Variants in KIF3B observed in about 807,000 individuals in gnomAD.
KIF3B encodes the protein kinesin family member 3B.
In KIF3B, 38 loss-of-function variants were observed where a neutral mutation model predicts 74.3. The ratio of observed to expected loss-of-function variants is 0.51; its 90% confidence interval spans 0.39 to 0.67. KIF3B has a LOEUF of 0.67. Among genes scored for constraint, KIF3B ranks in the 30% least tolerant of loss-of-function variants. KIF3B has a pLI of 0.00. For synonymous variants in KIF3B, 326 were observed against 342.5 expected, an observed-to-expected ratio of 0.95 and a Z score of 0.53; for missense variants, 649 against 932.0, an observed-to-expected ratio of 0.70 and a Z score of 3.95.
At position 32,327,567 on chromosome 20, in the gene KIF3B, T is replaced by C; in HGVS notation, c.1874T>C (p.Met625Thr). 6.2e-7 allele frequency: 1 copy of C among 1,613,232 alleles called. No homozygotes were observed. Among genetic ancestry groups the C allele is most frequent in the East Asian group, 2.2e-5 (1 of 44,848 alleles). ...HPITRLENQQ[M>T]MKRPVSAVGY... is the part of the protein sequence containing the mutation. The stretch of plus-strand genomic sequence containing the variant: ...CAGTTCATTTCCAGGAACCAGCAGA[T>C]GATGAAGCGGCCAGTCTCAGCCGTG... Residue 625 changes from methionine (M) to threonine (T), a missense_variant, in exon 7 of 9, where the codon ATG becomes ACG. Met to Thr is a moderately conservative substitution (Grantham distance 81). Transcript: ENST00000375712.
chr20:32,324,132 A>G (rs2047891421), intron 5 of KIF3B, among the ~76,000 whole-genome samples: 1 of 152,052 alleles, frequency 6.6e-6, no homozygotes, highest in African/African-American at 2.4e-5. Flanking sequence ...AAAAGAAGAA[A>G]TATACTACAT....
chr20:32,299,726 A>G (rs1195208837), intron 1 of KIF3B, among the ~76,000 whole-genome samples: 2 of 151,676 alleles, frequency 1.3e-5, no homozygotes, highest in East Asian at 3.9e-4. Flanking sequence ...TGTCTATAAT[A>G]TGAATATATC....
At chr20:32,282,970 A>G (rs960551086) in intron 1 of KIF3B, among the ~76,000 whole-genome samples, 1 of 152,220 alleles carries the variant, frequency 6.6e-6, no homozygotes, top group Non-Finnish European at 1.5e-5. Flanking sequence ...AGGGTTGTAC[A>G]TTCAACATTG....
Position 32,319,277 on chromosome 20 carries a change from G to A in KIF3B, c.1748+2403G>A, listed in dbSNP as rs182621152. Among the ~76,000 whole-genome samples the A allele has an allele frequency of 1.6e-4, 24 of 151,708 alleles. No individual in the cohort carries two copies. The East Asian group carries it at 4.5e-3, about 28-fold the overall frequency. ...TGCCCGGCCTCTCCACATCCTTGTC[G>A]ACACTTGTTATTTCCTGTCTCTTTT... On this transcript the variant is annotated intron_variant, in intron 5 of 8. Transcript: ENST00000375712.
At chr20:32,299,866 G>A (rs994255446) in intron 1 of KIF3B, among the ~76,000 whole-genome samples, 1 of 151,954 alleles carries the variant, frequency 6.6e-6, no homozygotes, top group African/African-American at 2.4e-5. Flanking sequence ...CTGACTTGCT[G>A]CAGTCTTAAC....
chr20:32,315,719 A>T (rs1487068216), intron 2 of KIF3B, among the ~76,000 whole-genome samples: 2 of 152,100 alleles, frequency 1.3e-5, no homozygotes, highest in African/African-American at 4.8e-5. Flanking sequence ...TCTTTAAAAA[A>T]TTTTAAAAAA....
At chr20:32,313,809 G>A (rs1345935826) in intron 2 of KIF3B, among the ~76,000 whole-genome samples, 1 of 152,126 alleles carries the variant, frequency 6.6e-6, no homozygotes, top group Non-Finnish European at 1.5e-5. Context: ...CCAGGCTCAA[G>A]CAATCTTCCC....
At chr20:32,279,310 C>G (rs1188798880) in intron 1 of KIF3B, among the ~76,000 whole-genome samples, 2 of 152,086 alleles carry the variant, frequency 1.3e-5, no homozygotes, top group African/African-American at 4.8e-5. Context: ...TCACTGTTGC[C>G]TCTGATTTTG....
intron 1 of KIF3B, among the ~76,000 whole-genome samples, chr20:32,302,575 G>A (rs978658428): frequency 6.6e-6 from 1 of 152,102 alleles, no homozygotes; most frequent in Non-Finnish European, 1.5e-5. Context: ...GGACAGCTCC[G>A]CCTTCTCAGA....
chr20:32,322,568 A>G (rs182010097), intron 5 of KIF3B, among the ~76,000 whole-genome samples: 1,624 of 141,022 alleles, frequency 0.012, 36 homozygotes, highest in African/African-American at 0.041. Context: ...AGATTGCGCC[A>G]TTGCACTCCA....
chr20:32,281,704 G>T (rs1282010447), intron 1 of KIF3B, among the ~76,000 whole-genome samples: 1 of 152,060 alleles, frequency 6.6e-6, no homozygotes, highest in Non-Finnish European at 1.5e-5. Context: ...GCAACAGAGC[G>T]AGACTCCATC....
In KIF3B at chr20:32,334,165, A is replaced by G. The variant is rs1357952830; in HGVS notation, c.*2846A>G. 2 of 152,666 alleles carry G rather than the reference A, an allele frequency of 1.3e-5. No individual in the cohort carries two copies. Among genetic ancestry groups the G allele is most frequent in the African/African-American group, 2.4e-5 (1 of 41,446 alleles). The allele number at this position is 152,666 out of a possible 1,614,324, so 9.5% of individuals were successfully genotyped here. On this transcript the variant is annotated 3_prime_UTR_variant, in exon 9 of 9. Transcript: ENST00000375712. ...CAGGAGAAGGAGTTTGAGACTGTGT[A>G]TGCAACCCCCAATAGACCCCCTTTT...
intron 1 of KIF3B, among the ~76,000 whole-genome samples, chr20:32,306,369 C>A (rs1284299857): frequency 1.3e-5 from 2 of 151,922 alleles, no homozygotes; most frequent in East Asian, 3.9e-4. Context: ...GCACTCCAGC[C>A]TGGCAACAGA....
chr20:32,333,285 A>T lies in KIF3B; in HGVS notation c.*1966A>T, dbSNP rs980190971. On this transcript the variant is annotated 3_prime_UTR_variant, in exon 9 of 9. Coordinates refer to ENST00000375712, the MANE Select transcript of KIF3B (RefSeq NM_004798.4). ...TCTCACACCACATTTCCTCAAAGCT[A>T]ATCTGAATTCTGTAGGCTAAAAATA... 10 of 152,246 alleles carry T rather than the reference A, an allele frequency of 6.6e-5. No homozygotes were observed. In the East Asian group the frequency reaches 1.9e-3, roughly 29 times the overall value. 9.4% of individuals were successfully genotyped at this position (152,246 alleles called of 1,614,324 possible). A position where few individuals can be genotyped will look rare whatever the true frequency, so the allele number is the denominator to read the frequency against.
At position 32,322,742 on chromosome 20, in the gene KIF3B, T is replaced by A. The variant is rs1236962216; in HGVS notation, c.1749-4029T>A. Among the ~76,000 whole-genome samples the A allele has an allele frequency of 7.5e-4, 35 of 46,698 alleles. 8 individuals carry two copies. Among genetic ancestry groups the A allele is most frequent in the South Asian group, 3.1e-3 (5 of 1,626 alleles). The allele number at this position is 46,698 out of a possible 152,430, so 30.6% of individuals were successfully genotyped here. A position where few individuals can be genotyped will look rare whatever the true frequency, so the allele number is the denominator to read the frequency against. On this transcript the variant is annotated intron_variant, in intron 5 of 8. Coordinates refer to ENST00000375712, the MANE Select transcript of KIF3B (RefSeq NM_004798.4). ...TTTATATTTATTTATTTATATATAT[T>A]TATTTATATATATATTTATATATAT...
At position 32,309,962 on chromosome 20, in the gene KIF3B, T is replaced by C. The variant is rs1316703968; in HGVS notation, c.185T>C (p.Val62Ala). 1 of 1,614,094 alleles carries C rather than the reference T, an allele frequency of 6.2e-7. No individual in the cohort carries two copies. The highest frequency in any genetic ancestry group is 1.7e-5 in the Admixed American group (1 of 60,002). Reference sequence around the variant, plus strand: ...CCCAAGACCTTCACCTTTGATGCCGTCTATGACTGGAATGCCAAGCAGTTT... The same window carrying C: ...CCCAAGACCTTCACCTTTGATGCCGCCTATGACTGGAATGCCAAGCAGTTT... ...EMPKTFTFDA[V>A]YDWNAKQFEL... Residue 62 changes from valine to alanine, a missense_variant, in exon 2 of 9, where the codon GTC becomes GCC. Around this residue, in one of 4 missense-constraint regions of KIF3B, gnomAD observed 96 missense variants for 119.0 expected, o/e 0.81. Coordinates refer to ENST00000375712, the MANE Select transcript of KIF3B (RefSeq NM_004798.4).
intron 1 of KIF3B, among the ~76,000 whole-genome samples, chr20:32,288,988 TG>T (rs2047679364): frequency 6.6e-6 from 1 of 152,200 alleles, no homozygotes; most frequent in South Asian, 2.1e-4. Flanking sequence ...GCATGAATCT[TG>T]ATAAGACAAG....
intron 1 of KIF3B, among the ~76,000 whole-genome samples, chr20:32,288,376 A>T (rs2047676838): frequency 6.6e-6 from 1 of 152,066 alleles, no homozygotes; most frequent in Non-Finnish European, 1.5e-5. Context: ...TGTACTCCCA[A>T]CTACTCGGGA....
At chr20:32,311,802 CTTTTTT>C (rs771615918) in intron 2 of KIF3B, among the ~76,000 whole-genome samples, 1 of 132,128 alleles carries the variant, frequency 7.6e-6, no homozygotes, top group African/African-American at 2.9e-5. Flanking sequence ...ATCCATTTTT[CTTTTTT>C]TTTTTTTTTT....
Sources: allele counts gnomAD v4.1 joint callset (sites outside exome capture counted in the v4.1 genomes callset), GRCh38; gene constraint gnomAD v4.1.1; regional missense constraint gnomAD v4.1.1; transcripts MANE v1.5; gene names NCBI Gene and HGNC (gene_info 2026-07-23, HGNC 2026-07-21).